The following GPC3 variants were observed in gnomAD, a reference collection of about 807,000 sequenced individuals.
GPC3 encodes the protein glypican 3.
GPC3 carries 3 observed loss-of-function variants against 34.4 expected under a neutral mutation model. The ratio of observed to expected loss-of-function variants is 0.09; its 90% CI spans 0.04 to 0.23. The LOEUF is 0.23. GPC3 is among the 10% of genes least tolerant of loss of function. The probability of loss-of-function intolerance (pLI) is 1.00; values close to 1 mark genes in which losing one functional copy is unlikely to be tolerated. For synonymous variants in GPC3, 177 were observed against 174.0 expected (o/e 1.02, Z -0.13); for missense variants, 351 against 445.6 (o/e 0.79, Z 1.91).
At chrX:133,757,205 A>G (rs2071733910) in intron 2 of GPC3, among the ~76,000 whole-genome samples, 1 of 112,117 alleles carries the variant, frequency 8.9e-6, no homozygotes, top group Non-Finnish European at 1.9e-5. Context: ...TAAGTGGTGC[A>G]GGCAAATAGA....
At chrX:133,794,982 G>C (rs1470101241) in intron 2 of GPC3, among the ~76,000 whole-genome samples, 1 of 111,950 alleles carries the variant, frequency 8.9e-6, no homozygotes, top group Admixed American at 9.5e-5. Flanking sequence ...GGTCAGGACT[G>C]TGTCTTTCTC....
intron 1 of GPC3, among the ~76,000 whole-genome samples, chrX:133,954,266 C>T (rs1416326249): frequency 1.8e-5 from 2 of 112,015 alleles, no homozygotes; most frequent in Admixed American, 9.4e-5. Flanking sequence ...AATGGTTTCA[C>T]GGGTGTATAT....
intron 2 of GPC3, among the ~76,000 whole-genome samples, chrX:133,826,355 G>T (rs1242649201): frequency 9.0e-6 from 1 of 111,613 alleles, no homozygotes; most frequent in Non-Finnish European, 1.9e-5. Flanking sequence ...TTTTTTTAAA[G>T]AAAAACTAAA....
At chrX:133,933,335 G>T (rs1404805463) in intron 2 of GPC3, among the ~76,000 whole-genome samples, 1 of 110,563 alleles carries the variant, frequency 9.0e-6, no homozygotes, top group Non-Finnish European at 1.9e-5. Context: ...GGGCAGGTGG[G>T]ATGGGGACTA....
intron 1 of GPC3, among the ~76,000 whole-genome samples, chrX:133,972,886 A>T (rs753660558): frequency 2.7e-5 from 3 of 111,678 alleles, no homozygotes; most frequent in Non-Finnish European, 5.6e-5. Flanking sequence ...TTGAAAATGA[A>T]GCACTGGCAG....
chrX:133,794,235 C>T (rs5975422), intron 2 of GPC3, among the ~76,000 whole-genome samples: 6,314 of 111,440 alleles, frequency 0.057, 448 homozygotes, highest in African/African-American at 0.19. Flanking sequence ...GGTGTCTGTT[C>T]CATTTTTAAC....
At chrX:133,739,994 G>A (rs756563983) in intron 3 of GPC3, among the ~76,000 whole-genome samples, 13 of 112,217 alleles carry the variant, frequency 1.2e-4, no homozygotes, top group Middle Eastern at 4.6e-3. Context: ...ATGCCAAGCC[G>A]ATCCATTCCT....
intron 2 of GPC3, among the ~76,000 whole-genome samples, chrX:133,874,254 T>C (rs1355921220): frequency 8.9e-6 from 1 of 112,290 alleles, no homozygotes; most frequent in Admixed American, 9.5e-5. Flanking sequence ...TTATCTCAGA[T>C]AAAGTATTTT....
At chrX:133,967,420 T>C (rs951947187) in intron 1 of GPC3, among the ~76,000 whole-genome samples, 2 of 111,001 alleles carry the variant, frequency 1.8e-5, no homozygotes, top group Admixed American at 1.9e-4. Context: ...GACACAGAGA[T>C]CTCCAGATCC....
At chrX:133,932,989 C>T (rs1056362512) in intron 2 of GPC3, among the ~76,000 whole-genome samples, 1 of 111,259 alleles carries the variant, frequency 9.0e-6, no homozygotes, top group Admixed American at 9.6e-5. Flanking sequence ...GCATATAGCG[C>T]TATTTGGTTT....
chrX:133,700,373 A>G (rs1469073946), intron 3 of GPC3, among the ~76,000 whole-genome samples: 1 of 112,072 alleles, frequency 8.9e-6, no homozygotes, highest in Non-Finnish European at 1.9e-5. Flanking sequence ...TGTATGAAGA[A>G]GTTCACAAAA....
At chrX:133,711,622 A>G (rs1051783438) in intron 3 of GPC3, among the ~76,000 whole-genome samples, 1 of 111,713 alleles carries the variant, frequency 9.0e-6, no homozygotes, top group Non-Finnish European at 1.9e-5. Flanking sequence ...ACCTCTCGGG[A>G]GGTCCTAAAG....
intron 6 of GPC3, among the ~76,000 whole-genome samples, chrX:133,635,164 G>C (rs1314678202): frequency 8.9e-6 from 1 of 111,980 alleles, no homozygotes; most frequent in African/African-American, 3.2e-5. Context: ...ATCTCTATGA[G>C]AGGATCCTAT....
At chrX:133,835,291 T>C (rs767019529) in intron 2 of GPC3, among the ~76,000 whole-genome samples, 21 of 112,110 alleles carry the variant, frequency 1.9e-4, no homozygotes, top group Middle Eastern at 4.2e-3. Flanking sequence ...TTGGTATAAT[T>C]AAATAGTCTC....
At chrX:133,632,904 G>A (rs926277367) in intron 6 of GPC3, among the ~76,000 whole-genome samples, 1 of 111,263 alleles carries the variant, frequency 9.0e-6, no homozygotes, top group African/African-American at 3.3e-5. Context: ...GTGCACGCAT[G>A]CTGTATTTGA....
chrX:133,903,506 T>C (rs2076154845), intron 2 of GPC3, among the ~76,000 whole-genome samples: 1 of 111,439 alleles, frequency 9.0e-6, no homozygotes, highest in Non-Finnish European at 1.9e-5. Context: ...GGAGAATTGC[T>C]TGAACCCGGG....
At chrX:133,699,189 C>T (rs1035002449) in intron 4 of GPC3, among the ~76,000 whole-genome samples, 1 of 111,880 alleles carries the variant, frequency 8.9e-6, no homozygotes, top group Non-Finnish European at 1.9e-5. Flanking sequence ...TGCACTCCCC[C>T]CTCAAGGTCA....
chrX:133,762,955 A>G, intron 2 of GPC3: 1 of 605,722 alleles, frequency 1.7e-6, no homozygotes, highest in Non-Finnish European at 2.8e-6. Context: ...TCTGAAGAGG[A>G]CCTGGGAGAA....
intron 6 of GPC3, among the ~76,000 whole-genome samples, chrX:133,618,149 T>C (rs1417580546): frequency 8.9e-6 from 1 of 112,031 alleles, no homozygotes; most frequent in South Asian, 3.7e-4. Flanking sequence ...ATTCAGAAAG[T>C]ACAATACACA....
Sources: gnomAD v4.1 joint callset for allele counts (sites outside exome capture counted in the v4.1 genomes callset) on GRCh38, gnomAD v4.1.1 for gene constraint, MANE v1.5 for transcripts, NCBI Gene and HGNC (gene_info 2026-07-23, HGNC 2026-07-21) for gene names.